The following GABRB1 variants were observed in gnomAD, a reference collection of about 807,000 sequenced individuals.
The protein encoded by GABRB1 is gamma-aminobutyric acid receptor subunit beta-1.
GABRB1 carries 17 observed loss-of-function variants against 51.6 expected under a neutral mutation model. The observed-to-expected ratio is 0.33, with a 90% CI of 0.23 to 0.49. The LOEUF (loss-of-function observed/expected upper bound fraction) is 0.49. Among genes scored for constraint, GABRB1 ranks in the 20% least tolerant of loss-of-function variants. The pLI, the probability that GABRB1 is intolerant of heterozygous loss-of-function variation, is 0.99. For missense variants in GABRB1, 410 were observed against 600.6 expected (o/e 0.68, Z 3.32); for synonymous variants, 247 against 218.9 (o/e 1.13, Z -1.14).
chr4:47,257,923 C>T (rs145640252), intron 4 of GABRB1, among the ~76,000 whole-genome samples: 13 of 151,762 alleles, frequency 8.6e-5, no homozygotes, highest in Non-Finnish European at 1.8e-4. Flanking sequence ...AGCAAGACAA[C>T]CAATTAAAAG....
chr4:47,169,297 C>T (rs1211834658), intron 4 of GABRB1, among the ~76,000 whole-genome samples: 1 of 152,128 alleles, frequency 6.6e-6, no homozygotes, highest in Non-Finnish European at 1.5e-5. Flanking sequence ...ACAGTGAAAG[C>T]AGGATAAATG....
chr4:47,398,487 A>G (rs1360439219), intron 5 of GABRB1, among the ~76,000 whole-genome samples: 2 of 152,184 alleles, frequency 1.3e-5, no homozygotes, highest in African/African-American at 2.4e-5. Context: ...TTTCCACACT[A>G]AACATGATGC....
intron 3 of GABRB1, among the ~76,000 whole-genome samples, chr4:47,053,618 T>C (rs984598228): frequency 5.9e-5 from 9 of 152,200 alleles, no homozygotes; most frequent in Non-Finnish European, 1.0e-4. Context: ...CCCAACTGGA[T>C]TCTACCACCT....
intron 5 of GABRB1, among the ~76,000 whole-genome samples, chr4:47,340,234 A>G (rs1177292369): frequency 6.6e-6 from 1 of 152,106 alleles, no homozygotes; most frequent in Non-Finnish European, 1.5e-5. Flanking sequence ...GTAATACTCA[A>G]GGATCTCGGG....
chr4:47,166,301 C>T (rs1358199539), intron 4 of GABRB1, among the ~76,000 whole-genome samples: 1 of 151,884 alleles, frequency 6.6e-6, no homozygotes, highest in Non-Finnish European at 1.5e-5. Flanking sequence ...GTGCCTGCCT[C>T]TCCCGCCTCC....
At chr4:47,265,044 G>T (rs1423918017) in intron 4 of GABRB1, among the ~76,000 whole-genome samples, 1 of 152,118 alleles carries the variant, frequency 6.6e-6, no homozygotes, top group African/African-American at 2.4e-5. Context: ...ATTTAGCACA[G>T]TTTTGTTACA....
At chr4:47,211,263 T>TG (rs1158323338) in intron 4 of GABRB1, among the ~76,000 whole-genome samples, 10 of 152,190 alleles carry the variant, frequency 6.6e-5, no homozygotes, top group African/African-American at 2.4e-4. Context: ...GGTCTCCTAG[T>TG]GAGTGGAGCC....
chr4:47,062,550 G>A (rs758649183), intron 3 of GABRB1, among the ~76,000 whole-genome samples: 4 of 151,688 alleles, frequency 2.6e-5, no homozygotes, highest in Non-Finnish European at 4.4e-5. Flanking sequence ...AAATATTGTC[G>A]TATATCCTAG....
intron 1 of GABRB1, among the ~76,000 whole-genome samples, chr4:47,017,101 C>T (rs1444627128): frequency 3.3e-5 from 5 of 152,150 alleles, no homozygotes; most frequent in East Asian, 3.8e-4. Flanking sequence ...TAGAAAGAGA[C>T]GCTGTGGAGT....
At chr4:47,117,537 T>C (rs1715557237) in intron 3 of GABRB1, among the ~76,000 whole-genome samples, 1 of 152,204 alleles carries the variant, frequency 6.6e-6, no homozygotes, top group Admixed American at 6.5e-5. Flanking sequence ...CTACCCAATA[T>C]GCCGTTCAGG....
intron 3 of GABRB1, among the ~76,000 whole-genome samples, chr4:47,101,974 G>A (rs2109608949): frequency 6.6e-6 from 1 of 152,092 alleles, no homozygotes; most frequent in Admixed American, 6.6e-5. Flanking sequence ...GAAAGGAAGA[G>A]GGAGACCACT....
At chr4:47,126,938 A>G (rs1235918874) in intron 3 of GABRB1, among the ~76,000 whole-genome samples, 1 of 151,996 alleles carries the variant, frequency 6.6e-6, no homozygotes, top group Non-Finnish European at 1.5e-5. Context: ...TCTTTTTTAT[A>G]TACAGAGAGC....
At chr4:47,037,407 T>C (rs1377854587) in intron 3 of GABRB1, among the ~76,000 whole-genome samples, 1 of 152,182 alleles carries the variant, frequency 6.6e-6, no homozygotes, top group Non-Finnish European at 1.5e-5. Flanking sequence ...TTTATTCTTA[T>C]ATGAGTAATC....
chr4:47,182,096 A>T (rs1334997711), intron 4 of GABRB1, among the ~76,000 whole-genome samples: 1 of 152,002 alleles, frequency 6.6e-6, no homozygotes, highest in African/African-American at 2.4e-5. Flanking sequence ...TTTTGCTTAG[A>T]TTCTATGACT....
chr4:47,019,888 ATATATGTATATGTATATG>A (rs56015998), intron 1 of GABRB1, among the ~76,000 whole-genome samples: 8 of 139,684 alleles, frequency 5.7e-5, no homozygotes, highest in Non-Finnish European at 9.1e-5. Flanking sequence ...TATATATATA[ATATATGTATATGTATATG>A]TATATGTATA....
intron 3 of GABRB1, among the ~76,000 whole-genome samples, chr4:47,129,990 C>A (rs1716334595): frequency 6.6e-6 from 1 of 152,084 alleles, no homozygotes; most frequent in Non-Finnish European, 1.5e-5. Flanking sequence ...TTAAAACATT[C>A]AATTTTCGCA....
chr4:47,011,939 G>C (rs1724593117), intron 1 of GABRB1, among the ~76,000 whole-genome samples: 1 of 151,942 alleles, frequency 6.6e-6, no homozygotes, highest in South Asian at 2.1e-4. Flanking sequence ...TAAACATCTA[G>C]GTACTCCACA....
intron 4 of GABRB1, among the ~76,000 whole-genome samples, chr4:47,199,788 G>A (rs1457622177): frequency 6.6e-6 from 1 of 152,074 alleles, no homozygotes; most frequent in Non-Finnish European, 1.5e-5. Flanking sequence ...GGAAGGAAAT[G>A]TTCAATGTTG....
chr4:47,412,797 G>A (rs1728800226), intron 8 of GABRB1, among the ~76,000 whole-genome samples: 1 of 152,134 alleles, frequency 6.6e-6, no homozygotes, highest in South Asian at 2.1e-4. Context: ...ATAAGAGGAG[G>A]TAGTGTCTAA....
Sources: gnomAD v4.1 joint callset for allele counts (sites outside exome capture counted in the v4.1 genomes callset) on GRCh38, gnomAD v4.1.1 for gene constraint, MANE v1.5 for transcripts, NCBI Gene and HGNC (gene_info 2026-07-23, HGNC 2026-07-21) for gene names.